Variants in HOXD11 observed in about 807,000 individuals in gnomAD.
HOXD11 encodes homeobox D11.
In HOXD11, 16 loss-of-function variants were observed where a neutral mutation model predicts 23.1. That is an observed-to-expected ratio of 0.69 (90% CI 0.47 to 1.05). The LOEUF (loss-of-function observed/expected upper bound fraction) is 1.05. Ranked by LOEUF, HOXD11 falls within the 50% of genes least tolerant of loss-of-function variation. HOXD11 has a pLI of 0.00. For missense variants in HOXD11, 564 were observed against 495.6 expected (o/e 1.14, Z -1.31); for synonymous variants, 262 against 224.4 (o/e 1.17, Z -1.50).
chr2:176,111,835 A>AAAAAAAAAAAAAC, downstream of HOXD11, among the ~76,000 whole-genome samples: 1 of 147,030 alleles, frequency 6.8e-6, no homozygotes, highest in Non-Finnish European at 1.5e-5. Context: ...GCAAAAAAAA[A>AAAAAAAAAAAAAC]AAAAAAAAAA....
chr2:176,107,791 C>T lies in HOXD11; in HGVS notation c.436C>T (p.Pro146Ser). The change falls in exon 1 of 2, where the codon CCG becomes TCG. Residue 146 changes from proline to serine, a missense_variant. By Grantham distance (74) the Pro-to-Ser change is moderately conservative. Coordinates refer to ENST00000249504, the MANE Select transcript of HOXD11 (RefSeq NM_021192.3). ...RPDVLFKAPEPVCAAPGPPHG... is the reference protein window; with the variant it reads ...RPDVLFKAPESVCAAPGPPHG... Reference sequence around the variant, plus strand: ...GGACGTGCTCTTCAAGGCGCCTGAGCCGGTGTGCGCTGCGCCGGGGCCGCC... The same window carrying T: ...GGACGTGCTCTTCAAGGCGCCTGAGTCGGTGTGCGCTGCGCCGGGGCCGCC... The T allele has an allele frequency of 1.5e-6, 2 of 1,348,878 alleles. No homozygotes were observed. Among genetic ancestry groups the T allele is most frequent in the South Asian group, 1.7e-5 (1 of 57,922 alleles). The allele number at this position is 1,348,878 out of a possible 1,614,324, so 83.6% of individuals were successfully genotyped here. A position where few individuals can be genotyped will look rare whatever the true frequency, so the allele number is the denominator to read the frequency against.
rs1212548262 is a variant in HOXD11 at position 176,108,186 on chromosome 2, G to A, written c.781+50G>A. ...GGTGGGCCCGGGGGCCGCGGGGGAGGGGGGGGGGGCGGAGGCCTCCCTCTG... is the reference window on the plus strand; with the variant it reads ...GGTGGGCCCGGGGGCCGCGGGGGAGAGGGGGGGGGCGGAGGCCTCCCTCTG... On this transcript the variant is annotated intron_variant, in intron 1 of 1. Coordinates refer to ENST00000249504, the MANE Select transcript of HOXD11 (RefSeq NM_021192.3). 7.2e-6 allele frequency: 5 copies of A among 692,068 alleles called. 1 individual carries two copies. The highest frequency in any genetic ancestry group is 9.3e-6 in the Non-Finnish European group (5 of 540,062). 42.9% of individuals were successfully genotyped at this position (692,068 alleles called of 1,614,324 possible). A position where few individuals can be genotyped will look rare whatever the true frequency, so the allele number is the denominator to read the frequency against.
rs1352568805 is a variant in HOXD11, at chr2:176,109,219, T to G, written c.*77T>G. 20 of 854,098 alleles carry G rather than the reference T, an allele frequency of 2.3e-5. No individual in the cohort carries two copies. In the South Asian group the frequency reaches 3.0e-4, roughly 13 times the overall value. The allele number at this position is 854,098 out of a possible 1,614,324, so 52.9% of individuals were successfully genotyped here. A position where few individuals can be genotyped will look rare whatever the true frequency, so the allele number is the denominator to read the frequency against. ...ACCAGCCTGCTCTCCGCAGGCCCACTGTCCTTGGGTTTAATGACGTCTCTT... is the reference window on the plus strand; with the variant it reads ...ACCAGCCTGCTCTCCGCAGGCCCACGGTCCTTGGGTTTAATGACGTCTCTT... On this transcript the variant is annotated 3_prime_UTR_variant, in exon 2 of 2. Coordinates refer to ENST00000249504, the MANE Select transcript of HOXD11 (RefSeq NM_021192.3).
Position 176,107,623 on chromosome 2 carries a change from G to A in HOXD11, c.268G>A (p.Gly90Arg). 1.9e-6 allele frequency: 2 copies of A among 1,068,914 alleles called. No individual in the cohort carries two copies. Among genetic ancestry groups the A allele is most frequent in the Non-Finnish European group, 2.3e-6 (2 of 876,230 alleles). 66.2% of individuals were successfully genotyped at this position (1,068,914 alleles called of 1,614,324 possible). Reference sequence around the variant, plus strand: ...CGGCAGCGCGGGGGGCGGCAGCAGCGGGGGCGGCCCCGGCGGGGGCGGCGG... The same window carrying A: ...CGGCAGCGCGGGGGGCGGCAGCAGCAGGGGCGGCCCCGGCGGGGGCGGCGG... ...GGGSAGGGSS[G>R]GGPGGGGGGA... Residue 90 changes from glycine (G) to arginine (R), a missense_variant, in exon 1 of 2, where the codon GGG (glycine) becomes AGG (arginine). By Grantham distance (125) the Gly-to-Arg change is moderately radical. Transcript: ENST00000249504.
In HOXD11 at chr2:176,107,949, A is replaced by T; in HGVS notation, c.594A>T (p.Pro198=). ...TCGCCGGGCCGCAGCCCCCGCCGCC[A>T]CCCGCGCCGCCACAGCCCGAGGGCG... ...PPFAGPQPPP[P]PAPPQPEGAA... Residue 198 remains proline (P), a synonymous_variant, in exon 1 of 2, where the codon CCA becomes CCT. Coordinates refer to ENST00000249504, the MANE Select transcript of HOXD11 (RefSeq NM_021192.3). 1 of 1,401,408 alleles carries T rather than the reference A, an allele frequency of 7.1e-7. No individual in the cohort carries two copies. The highest frequency in any genetic ancestry group is 9.2e-7 in the Non-Finnish European group (1 of 1,081,802). The allele number at this position is 1,401,408 out of a possible 1,614,324, so 86.8% of individuals were successfully genotyped here.
At position 176,108,146 on chromosome 2, in the gene HOXD11, G is replaced by A. The variant is rs764971311; in HGVS notation, c.781+10G>A. The A allele has an allele frequency of 5.3e-6, 7 of 1,316,974 alleles. No individual in the cohort carries two copies. Among genetic ancestry groups the A allele is most frequent in the African/African-American group, 3.2e-5 (2 of 63,418 alleles). The allele number at this position is 1,316,974 out of a possible 1,614,324, so 81.6% of individuals were successfully genotyped here. On this transcript the variant is annotated intron_variant, in intron 1 of 1. Transcript: ENST00000249504. The stretch of plus-strand genomic sequence containing the variant: ...AAGAGCAGCAGCGCAGGTAGGCACC[G>A]GGTACTGGGCAAGCGGTGGGCCCGG...
In HOXD11 at chr2:176,107,678, C is replaced by G. The variant is rs1408115420; in HGVS notation, c.323C>G (p.Ala108Gly). 1.1e-6 allele frequency: 1 copy of G among 940,590 alleles called. No individual in the cohort carries two copies. The highest frequency in any genetic ancestry group is 1.3e-6 in the Non-Finnish European group (1 of 790,730). The allele number at this position is 940,590 out of a possible 1,614,324, so 58.3% of individuals were successfully genotyped here. A position where few individuals can be genotyped will look rare whatever the true frequency, so the allele number is the denominator to read the frequency against. ...GGAGGYAPYYAAAAAAAAAAA... is the reference protein window; with the variant it reads ...GGAGGYAPYYGAAAAAAAAAA... Reference sequence around the variant, plus strand: ...GCGGGGGGCTACGCTCCCTACTACGCGGCGGCGGCGGCGGCGGCTGCGGCG... The same window carrying G: ...GCGGGGGGCTACGCTCCCTACTACGGGGCGGCGGCGGCGGCGGCTGCGGCG... Residue 108 changes from alanine (A) to glycine (G), a missense_variant, in exon 1 of 2, where the codon GCG becomes GGG. Physicochemically the swap from Ala to Gly is moderately conservative, Grantham distance 60. Coordinates refer to ENST00000249504, the MANE Select transcript of HOXD11 (RefSeq NM_021192.3).
At chr2:176,112,386 G>T (rs4972803), downstream of HOXD11, among the ~76,000 whole-genome samples, 1 of 152,124 alleles carries the variant, frequency 6.6e-6, no homozygotes. Flanking sequence ...GAGGATGACT[G>T]CCCCCTTTCC....
chr2:176,107,716 G>C lies in HOXD11; in HGVS notation c.361G>C (p.Glu121Gln). The C allele has an allele frequency of 8.9e-7, 1 of 1,118,658 alleles. No individual in the cohort carries two copies. The highest frequency in any genetic ancestry group is 1.1e-6 in the Non-Finnish European group (1 of 919,038). The allele number at this position is 1,118,658 out of a possible 1,614,324, so 69.3% of individuals were successfully genotyped here. A position where few individuals can be genotyped will look rare whatever the true frequency, so the allele number is the denominator to read the frequency against. ...AAAAAAAAAA[E>Q]EAAMQRELLP... The stretch of plus-strand genomic sequence containing the variant: ...GGCGGCTGCGGCGGCCGCGGCGGCC[G>C]AGGAGGCGGCCATGCAACGCGAGCT... Residue 121 changes from glutamate (E) to glutamine (Q), a missense_variant, in exon 1 of 2, where the codon GAG becomes CAG. By Grantham distance (29) the Glu-to-Gln change is conservative (BLOSUM62 2). Coordinates refer to ENST00000249504, the MANE Select transcript of HOXD11 (RefSeq NM_021192.3).
At chr2:176,114,709 A>G (rs867809003), downstream of HOXD11, among the ~76,000 whole-genome samples, 3 of 152,206 alleles carry the variant, frequency 2.0e-5, no homozygotes, top group Admixed American at 6.5e-5. Flanking sequence ...CGGGCGGGCT[A>G]CTAGGTCCCC....
the HOXD11 span, among the ~76,000 whole-genome samples, chr2:176,115,141 TGG>T: frequency 8.4e-6 from 1 of 119,534 alleles, no homozygotes; most frequent in African/African-American, 6.8e-5. Flanking sequence ...ATGGTGGTAG[TGG>T]TGGTAGTGGT....
At chr2:176,108,324 C>A (rs1689617803) in intron 1 of HOXD11, among the ~76,000 whole-genome samples, 188 bp downstream of exon 1, 1 of 151,172 alleles carries the variant, frequency 6.6e-6, no homozygotes, top group Non-Finnish European at 1.5e-5. Context: ...TTTAGGTGGG[C>A]TTAAGGTAGA....
Position 176,109,656 on chromosome 2 carries a change from T to C in HOXD11, c.*514T>C, listed in dbSNP as rs1330494773. The C allele has an allele frequency of 1.4e-5, 3 of 209,152 alleles. No individual in the cohort carries two copies. The highest frequency in any genetic ancestry group is 6.9e-5 in the African/African-American group (3 of 43,794). The allele number at this position is 209,152 out of a possible 1,614,324, so 13.0% of individuals were successfully genotyped here. A position where few individuals can be genotyped will look rare whatever the true frequency, so the allele number is the denominator to read the frequency against. ...AGTAAAATGGAGGTTACAGCTTCAA[T>C]ACACTGTATGAATTCTCCTCTTTGA... On this transcript the variant is annotated 3_prime_UTR_variant, in exon 2 of 2. Coordinates refer to ENST00000249504, the MANE Select transcript of HOXD11 (RefSeq NM_021192.3).
In HOXD11 at chr2:176,109,185, C is replaced by G. The variant is rs184710706; in HGVS notation, c.*43C>G. The stretch of plus-strand genomic sequence containing the variant: ...CTCACCCCAGCCCCACTCACCCACC[C>G]TCCTTCCCACCAGCCTGCTCTCCGC... On this transcript the variant is annotated 3_prime_UTR_variant, in exon 2 of 2. Transcript: ENST00000249504. The G allele has an allele frequency of 1.2e-4, 142 of 1,185,194 alleles. No individual in the cohort carries two copies. The highest frequency in any genetic ancestry group is 1.7e-4 in the Non-Finnish European group (137 of 792,646). 73.4% of individuals were successfully genotyped at this position (1,185,194 alleles called of 1,614,324 possible).
downstream of HOXD11, among the ~76,000 whole-genome samples, chr2:176,111,840 A>AAAAAAAAAAAAAAAAC (rs1553518459): frequency 7.1e-6 from 1 of 140,724 alleles, no homozygotes; most frequent in Admixed American, 7.3e-5. Flanking sequence ...AAAAAAAAAA[A>AAAAAAAAAAAAAAAAC]AAAAAAAAAC....
downstream of HOXD11, among the ~76,000 whole-genome samples, chr2:176,110,280 T>A (rs1220191182): frequency 6.6e-6 from 1 of 152,236 alleles, no homozygotes; most frequent in Non-Finnish European, 1.5e-5. Context: ...CAGGCCAGGC[T>A]GTTTACAAAA....
chr2:176,108,699 C>T (rs867901409), intron 1 of HOXD11: 2 of 352,256 alleles, frequency 5.7e-6, no homozygotes, highest in Non-Finnish European at 1.0e-5. Flanking sequence ...GTGTGTGTGT[C>T]CGGGCGTGAA....
rs868497958 is a variant in HOXD11, at chr2:176,109,036, A to G, written c.911A>G (p.Asn304Ser). 2 of 1,614,080 alleles carry G rather than the reference A, an allele frequency of 1.2e-6. No individual in the cohort carries two copies. The highest frequency in any genetic ancestry group is 2.2e-5 in the East Asian group (1 of 44,884). Residue 304 changes from asparagine (N) to serine (S), a missense_variant, in exon 2 of 2, where the codon AAC becomes AGC. Physicochemically the swap from Asn to Ser is conservative, Grantham distance 46. Transcript: ENST00000249504. ...AGACTTCAACTCTCTCGGATGCTCA[A>G]CCTCACTGACCGGCAAGTCAAAATC... ...EKRLQLSRML[N>S]LTDRQVKIWF...
chr2:176,114,754 C>A (rs556561600), downstream of HOXD11, among the ~76,000 whole-genome samples: 4 of 152,282 alleles, frequency 2.6e-5, no homozygotes, highest in East Asian at 7.7e-4. Context: ...ACCTCAGGCC[C>A]CAAAGAAATG....
Sources: gnomAD v4.1 joint callset for allele counts (sites outside exome capture counted in the v4.1 genomes callset) on GRCh38, gnomAD v4.1.1 for gene constraint, MANE v1.5 for transcripts, NCBI Gene and HGNC (gene_info 2026-07-23, HGNC 2026-07-21) for gene names.